Variants in PDE10A observed in about 807,000 individuals in gnomAD.
PDE10A encodes the protein cAMP and cAMP-inhibited cGMP 3',5'-cyclic phosphodiesterase 10A.
Under a neutral mutation model 97.7 loss-of-function variants are expected in PDE10A, and 39 were observed. The observed-to-expected ratio is 0.40, with a 90% confidence interval of 0.31 to 0.52. The LOEUF (loss-of-function observed/expected upper bound fraction) is 0.52, where lower values mean the gene tolerates loss of function less well. PDE10A is among the 20% of genes least tolerant of loss of function. PDE10A has a pLI of 0.56. For missense variants in PDE10A, 731 were observed against 1,047.8 expected, an observed-to-expected ratio of 0.70 and a Z score of 4.17; for synonymous variants, 371 against 376.8, an observed-to-expected ratio of 0.98 and a Z score of 0.18.
At chr6:165,338,453 T>C (rs543612383) in intron 20 of PDE10A, among the ~76,000 whole-genome samples, 10 of 152,240 alleles carry the variant, frequency 6.6e-5, no homozygotes, top group South Asian at 2.1e-4. Context: ...ACACCACACA[T>C]ACACATGTGC....
At chr6:165,678,997 T>C (rs1304431836) in intron 1 of PDE10A, among the ~76,000 whole-genome samples, 1 of 152,206 alleles carries the variant, frequency 6.6e-6, no homozygotes. Context: ...AATCATCCCA[T>C]TGATTTAATT....
At chr6:165,960,963 A>G (rs977131758) in intron 1 of PDE10A, among the ~76,000 whole-genome samples, 2 of 152,220 alleles carry the variant, frequency 1.3e-5, no homozygotes, top group South Asian at 2.1e-4. Context: ...GGCAGAAGCA[A>G]GAGGGGAGGA....
At chr6:165,636,891 T>C (rs1051736537) in intron 1 of PDE10A, among the ~76,000 whole-genome samples, 4 of 152,156 alleles carry the variant, frequency 2.6e-5, no homozygotes, top group Non-Finnish European at 1.5e-5. Flanking sequence ...TTTTAGTATC[T>C]GTAAAATAAA....
intron 2 of PDE10A, among the ~76,000 whole-genome samples, chr6:165,520,593 C>A (rs1057059691): frequency 4.6e-5 from 7 of 152,090 alleles, no homozygotes; most frequent in African/African-American, 1.7e-4. Context: ...CTAAGAATTT[C>A]CTAACTTCCA....
At chr6:165,977,970 A>T (rs992659502) in intron 1 of PDE10A, among the ~76,000 whole-genome samples, 14 of 152,244 alleles carry the variant, frequency 9.2e-5, no homozygotes, top group African/African-American at 3.4e-4. Context: ...AAGTTTGAAG[A>T]AAAGAACCCA....
chr6:165,371,431 G>C (rs7766706), intron 18 of PDE10A, among the ~76,000 whole-genome samples: 70,958 of 151,678 alleles, frequency 0.47, 17,479 homozygotes, highest in African/African-American at 0.64. Context: ...AAACTACCAT[G>C]AGAGAATACT....
At position 165,720,022 on chromosome 6, in the gene PDE10A, G is replaced by T. The variant is rs1344282772; in HGVS notation, c.-614-176454C>A. 2.0e-5 allele frequency among the ~76,000 whole-genome samples: 3 copies of T among 152,328 alleles called. No individual in the cohort carries two copies. In the East Asian group the frequency reaches 5.8e-4, roughly 29 times the overall value. On this transcript the variant is annotated intron_variant, in intron 1 of 19. Transcript: ENST00000366882. Reference sequence around the variant, plus strand: ...CGGGGAGGAACTGCTGCGAGAATTTGGTTCCCTGTTCCGTAACAGGCGCTC... The same window carrying T: ...CGGGGAGGAACTGCTGCGAGAATTTTGTTCCCTGTTCCGTAACAGGCGCTC...
intron 1 of PDE10A, among the ~76,000 whole-genome samples, chr6:165,722,021 T>C (rs890757889): frequency 6.6e-6 from 1 of 152,224 alleles, no homozygotes; most frequent in Non-Finnish European, 1.5e-5. Flanking sequence ...ATTTCTTAAA[T>C]ATGCACTTAG....
At chr6:165,482,450 T>G (rs566073938) in intron 2 of PDE10A, 107 bp from the exon 3 acceptor site, 260 of 812,550 alleles carry the variant, frequency 3.2e-4, no homozygotes, top group Admixed American at 5.3e-4. Context: ...TTTTTTGCAA[T>G]GCTTCCTCTT....
chr6:165,730,065 G>C (rs1199426246), intron 1 of PDE10A, among the ~76,000 whole-genome samples: 2 of 151,068 alleles, frequency 1.3e-5, no homozygotes, highest in Non-Finnish European at 2.9e-5. Context: ...ATACATATGT[G>C]TATCTATCTT....
At chr6:165,376,790 G>A (rs962771291) in intron 18 of PDE10A, among the ~76,000 whole-genome samples, 3 of 152,074 alleles carry the variant, frequency 2.0e-5, no homozygotes, top group Admixed American at 1.3e-4. Context: ...ATGGTGGTGT[G>A]TGCCTGTAGT....
chr6:165,797,362 A>C (rs10806832), intron 1 of PDE10A, among the ~76,000 whole-genome samples: 30,806 of 152,200 alleles, frequency 0.2, 3,819 homozygotes, highest in East Asian at 0.46. Flanking sequence ...GGAGGCTAAA[A>C]AATGATTATT....
At chr6:165,367,241 A>ATGTG (rs58370634) in intron 18 of PDE10A, among the ~76,000 whole-genome samples, 19 of 147,286 alleles carry the variant, frequency 1.3e-4, no homozygotes, top group Non-Finnish European at 2.1e-4. Context: ...ACACACACAT[A>ATGTG]TGTGTGTGTG....
chr6:165,889,991 A>G (rs1484017491), intron 1 of PDE10A, among the ~76,000 whole-genome samples: 2 of 23,002 alleles, frequency 8.7e-5, no homozygotes, highest in African/African-American at 3.7e-4. Flanking sequence ...CTCACTCCTC[A>G]CTCCTCCCTC....
intron 1 of PDE10A, among the ~76,000 whole-genome samples, chr6:165,740,551 T>A (rs1792695213): frequency 6.6e-6 from 1 of 152,094 alleles, no homozygotes; most frequent in Non-Finnish European, 1.5e-5. Context: ...GCGAGGATAA[T>A]CTCCATCTCC....
chr6:165,742,470 C>T (rs1792749738), intron 1 of PDE10A, among the ~76,000 whole-genome samples: 1 of 151,980 alleles, frequency 6.6e-6, no homozygotes, highest in Non-Finnish European at 1.5e-5. Flanking sequence ...CGAGTCCCAC[C>T]CAGGACATCT....
At chr6:165,914,963 T>C (rs183771286) in intron 1 of PDE10A, among the ~76,000 whole-genome samples, 7 of 152,292 alleles carry the variant, frequency 4.6e-5, no homozygotes, top group Admixed American at 3.3e-4. Context: ...ATTTAGAAGA[T>C]GGGATGCTAT....
At chr6:165,564,749 CTTACT>C (rs1347012337) in intron 1 of PDE10A, among the ~76,000 whole-genome samples, 2 of 152,164 alleles carry the variant, frequency 1.3e-5, no homozygotes, top group Non-Finnish European at 2.9e-5. Context: ...CCGAATACAT[CTTACT>C]TTAAACATTT....
At chr6:165,760,316 C>T (rs554878327) in intron 1 of PDE10A, among the ~76,000 whole-genome samples, 10 of 152,248 alleles carry the variant, frequency 6.6e-5, no homozygotes, top group South Asian at 2.1e-4. Context: ...CCTCTCCCGC[C>T]GGCTCCTGGG....
Sources: gnomAD v4.1 joint callset for allele counts (sites outside exome capture counted in the v4.1 genomes callset) on GRCh38, gnomAD v4.1.1 for gene constraint, MANE v1.5 for transcripts, NCBI Gene and HGNC (gene_info 2026-07-23, HGNC 2026-07-21) for gene names.